SNRPN: variants seen among roughly 807,000 people sequenced by gnomAD.
The protein encoded by SNRPN is small nuclear ribonucleoprotein-associated protein N.
Under a neutral mutation model 25.2 loss-of-function variants are expected in SNRPN, and 7 were observed. The ratio of observed to expected loss-of-function variants is 0.28; its 90% CI spans 0.16 to 0.52. SNRPN has a LOEUF of 0.52. SNRPN is among the 20% of genes least tolerant of loss of function. SNRPN has a pLI of 0.96. For synonymous variants in SNRPN, 124 were observed against 110.6 expected (o/e 1.12, Z -0.76); for missense variants, 196 against 322.5 (o/e 0.61, Z 3.00).
chr15:24,824,159 T>A (rs28687287), intron 1 of SNRPN, among the ~76,000 whole-genome samples: 16,418 of 152,092 alleles, frequency 0.11, 1,089 homozygotes, highest in South Asian at 0.24. Context: ...GGTCAGAGAC[T>A]TTCCTGAGAG....
intron 1 of SNRPN, among the ~76,000 whole-genome samples, chr15:24,880,074 G>A (rs1490387053): frequency 6.6e-6 from 1 of 152,102 alleles, no homozygotes; most frequent in Admixed American, 6.6e-5. Context: ...TACTTCTGGG[G>A]TAGGCGGTCA....
intron 2 of SNRPN, among the ~76,000 whole-genome samples, chr15:24,901,179 T>TCTTA (rs1312699225): frequency 2.6e-5 from 4 of 152,176 alleles, no homozygotes; most frequent in African/African-American, 7.2e-5. Context: ...TCCTTGGTAT[T>TCTTA]GCCGTCTTAG....
intron 2 of SNRPN, among the ~76,000 whole-genome samples, chr15:24,892,721 A>G (rs1476727137): frequency 6.9e-6 from 1 of 145,184 alleles, no homozygotes; most frequent in African/African-American, 2.6e-5. Flanking sequence ...TGGGTGGCAG[A>G]GTGAGACTCC....
chr15:24,923,720 CT>C (rs2060173592), intron 3 of SNRPN, among the ~76,000 whole-genome samples: 1 of 151,954 alleles, frequency 6.6e-6, no homozygotes, highest in Non-Finnish European at 1.5e-5. Flanking sequence ...ACATACTTGT[CT>C]GAGCCCATCT....
chr15:24,895,207 C>T (rs1384181692), intron 2 of SNRPN, among the ~76,000 whole-genome samples: 1 of 152,150 alleles, frequency 6.6e-6, no homozygotes, highest in East Asian at 1.9e-4. Context: ...GGTTTTATTA[C>T]TTGCTTCAGC....
chr15:24,852,194 T>G (rs2052919140), upstream of SNRPN: 1 of 152,192 alleles, frequency 6.6e-6, no homozygotes. Context: ...GTTTTCCCTG[T>G]TAATGTTGGA....
intron 1 of SNRPN, among the ~76,000 whole-genome samples, chr15:24,828,018 GACCCTATACACATA>G (rs1476686327): frequency 6.6e-6 from 1 of 151,994 alleles, no homozygotes; most frequent in Non-Finnish European, 1.5e-5. Flanking sequence ...TGTGGTACAT[GACCCTATACACATA>G]ACAGCATATT....
intron 3 of SNRPN, among the ~76,000 whole-genome samples, chr15:24,936,220 C>T (rs1022142881): frequency 1.3e-5 from 2 of 152,140 alleles, no homozygotes; most frequent in African/African-American, 4.8e-5. Flanking sequence ...AAAGATACTT[C>T]TTTATATTCC....
chr15:24,825,521 G>T (rs2140936955), intron 1 of SNRPN, among the ~76,000 whole-genome samples: 1 of 152,092 alleles, frequency 6.6e-6, no homozygotes, highest in Non-Finnish European at 1.5e-5. Flanking sequence ...TTAAGTTGGG[G>T]CTACTTCCCA....
At chr15:24,845,199 C>T (rs1234584263) in intron 2 of SNRPN, among the ~76,000 whole-genome samples, 1 of 152,196 alleles carries the variant, frequency 6.6e-6, no homozygotes, top group Non-Finnish European at 1.5e-5. Flanking sequence ...TATGAATATG[C>T]ATATGCTATA....
rs375357277 is a variant in SNRPN at position 24,955,006 on chromosome 15, G to T, written c.-447G>T. Reference sequence around the variant, plus strand: ...TCTGGCGCAGAGTGGAGCGGCCGCCGGAGATGCCTGACGCATCTGTCTGAG... The same window carrying T: ...TCTGGCGCAGAGTGGAGCGGCCGCCTGAGATGCCTGACGCATCTGTCTGAG... On this transcript the variant is annotated 5_prime_UTR_variant, in exon 1 of 10. Coordinates refer to ENST00000390687, the MANE Select transcript of SNRPN (RefSeq NM_003097.6). 1 of 1,611,582 alleles carries T rather than the reference G, an allele frequency of 6.2e-7. No individual in the cohort carries two copies.
upstream of SNRPN, among the ~76,000 whole-genome samples, chr15:24,954,181 G>A (rs1596130136): frequency 6.6e-6 from 1 of 152,186 alleles, no homozygotes. Context: ...ATATTATGTC[G>A]TAAATAATGT....
chr15:24,954,839 C>T, upstream of SNRPN: 1 of 663,344 alleles, frequency 1.5e-6, no homozygotes, highest in Non-Finnish European at 2.6e-6. Context: ...CCAGTAGCCC[C>T]CTCCCCCCAG....
In SNRPN at chr15:24,844,509, A is replaced by G. The variant is rs61994707; in HGVS notation, c.-579+14604A>G. Among the ~76,000 whole-genome samples the G allele has an allele frequency of 9.2e-3, 1,400 of 151,478 alleles. 12 individuals are homozygous for G. Among genetic ancestry groups the G allele is most frequent in the South Asian group, 0.021 (99 of 4,816 alleles). ...AGCAGCATTTATTTTAATTTTGACTAAGAATAATTTGTCCTTTTTTGTTGT... is the reference window on the plus strand; with the variant it reads ...AGCAGCATTTATTTTAATTTTGACTGAGAATAATTTGTCCTTTTTTGTTGT... On this transcript the variant is annotated intron_variant, in intron 2 of 12. Coordinates refer to the SNRPN transcript ENST00000400100.
chr15:24,917,543 T>C (rs775484006), intron 2 of SNRPN, among the ~76,000 whole-genome samples: 1 of 152,212 alleles, frequency 6.6e-6, no homozygotes, highest in Admixed American at 6.5e-5. Flanking sequence ...TCCTCCTACC[T>C]GCCACCATTA....
intron 3 of SNRPN, among the ~76,000 whole-genome samples, chr15:24,925,698 C>T (rs889164649): frequency 1.3e-5 from 2 of 151,974 alleles, no homozygotes. Context: ...CCCATCTCAG[C>T]CTCCCCAGTG....
chr15:24,834,753 A>ATATATATATATATATATATG (rs2050894279), intron 2 of SNRPN, among the ~76,000 whole-genome samples: 1 of 31,240 alleles, frequency 3.2e-5, no homozygotes, highest in African/African-American at 1.4e-4. Flanking sequence ...CTCTCTCTCT[A>ATATATATATATATATATATG]TATATATATA....
At chr15:24,919,761 T>A (rs1354257168) in intron 2 of SNRPN, among the ~76,000 whole-genome samples, 1 of 152,134 alleles carries the variant, frequency 6.6e-6, no homozygotes, top group East Asian at 1.9e-4. Context: ...GTAAGGAAGT[T>A]CTTGCTAAAG....
Position 24,978,304 on chromosome 15 carries a change from C to CA in SNRPN, c.672dup (p.Pro225ThrfsTer4). The stretch of plus-strand genomic sequence containing the variant: ...CCGCCTCCGGGAATGAGACCCCCTC[C>CA]ACCAGGCATTAGAGGTGAGTGGGAG... On this transcript the variant is annotated frameshift_variant, in exon 9 of 10. Coordinates refer to ENST00000390687, the MANE Select transcript of SNRPN (RefSeq NM_003097.6). LOFTEE classifies it high-confidence loss of function. 1.2e-6 allele frequency: 2 copies of CA among 1,614,154 alleles called. No individual in the cohort carries two copies. The highest frequency in any genetic ancestry group is 1.7e-6 in the Non-Finnish European group (2 of 1,180,008).
Sources: gnomAD v4.1 joint callset for allele counts (sites outside exome capture counted in the v4.1 genomes callset) on GRCh38, gnomAD v4.1.1 for gene constraint, MANE v1.5 for transcripts, NCBI Gene and HGNC (gene_info 2026-07-23, HGNC 2026-07-21) for gene names.